PDK3: variants seen among roughly 807,000 people sequenced by gnomAD.
The protein encoded by PDK3 is pyruvate dehydrogenase kinase, isozyme 3.
A neutral mutation model predicts 32.0 loss-of-function variants in PDK3; 12 were observed. The observed-to-expected ratio is 0.37, with a 90% CI of 0.24 to 0.61. The LOEUF is 0.61. Ranked by LOEUF, PDK3 falls within the 20% of genes least tolerant of loss-of-function variation. The pLI, the probability that PDK3 is intolerant of heterozygous loss-of-function variation, is 0.65. For missense variants in PDK3, 188 were observed against 316.9 expected, an observed-to-expected ratio of 0.59 and a Z score of 3.09; for synonymous variants, 122 against 116.3, an observed-to-expected ratio of 1.05 and a Z score of -0.31.
chrX:24,491,781 C>T (rs1602108400), intron 1 of PDK3, among the ~76,000 whole-genome samples: 1 of 110,839 alleles, frequency 9.0e-6, no homozygotes, highest in East Asian at 2.8e-4. Context: ...ATGGCGAAAC[C>T]CCCTCTTTAC....
chrX:24,526,775 C>T (rs1015502471), intron 7 of PDK3, among the ~76,000 whole-genome samples: 2 of 111,648 alleles, frequency 1.8e-5, no homozygotes, highest in African/African-American at 6.5e-5. Context: ...TGTAGATGAG[C>T]TGGACCAAAA....
chrX:24,507,231 A>G (rs1471505259), intron 5 of PDK3, among the ~76,000 whole-genome samples: 2 of 111,697 alleles, frequency 1.8e-5, no homozygotes, highest in African/African-American at 3.3e-5. Flanking sequence ...AGATTTTCCT[A>G]TTATAGACAT....
chrX:24,550,202 T>C (rs1281896249), exon 12 of PDK3: 1 of 112,208 alleles, frequency 8.9e-6, no homozygotes, highest in East Asian at 2.8e-4. Flanking sequence ...CCCTCAGTTC[T>C]ATGCTGTTGT....
intron 5 of PDK3, among the ~76,000 whole-genome samples, chrX:24,511,537 A>G (rs1316222053): frequency 2.2e-5 from 2 of 92,470 alleles, no homozygotes; most frequent in Non-Finnish European, 4.0e-5. Flanking sequence ...GTGTGCACAC[A>G]TGTGTGTTTT....
intron 1 of PDK3, among the ~76,000 whole-genome samples, chrX:24,473,029 T>A (rs1454043704): frequency 9.1e-6 from 1 of 109,838 alleles, no homozygotes; most frequent in Non-Finnish European, 1.9e-5. Context: ...TCAGATAATA[T>A]ATGTTAATTC....
At chrX:24,484,051 G>A (rs1018650870) in intron 1 of PDK3, among the ~76,000 whole-genome samples, 3 of 102,810 alleles carry the variant, frequency 2.9e-5, no homozygotes, top group African/African-American at 1.1e-4. Context: ...TCACTGTGTC[G>A]CCCAGGCTGG....
chrX:24,543,809 A>G (rs1922941133), exon 12 of PDK3, among the ~76,000 whole-genome samples: 1 of 111,243 alleles, frequency 9.0e-6, no homozygotes, highest in African/African-American at 3.3e-5. Flanking sequence ...TTGATTGCGT[A>G]TTTCTTCCAG....
At chrX:24,541,258 A>G (rs1350138875) in exon 12 of PDK3, among the ~76,000 whole-genome samples, 1 of 109,245 alleles carries the variant, frequency 9.2e-6, no homozygotes, top group Non-Finnish European at 1.9e-5. Context: ...CTAGGCCTCA[A>G]TTTCCAACGA....
At chrX:24,490,392 G>A (rs1212829461) in intron 1 of PDK3, among the ~76,000 whole-genome samples, 2 of 105,856 alleles carry the variant, frequency 1.9e-5, no homozygotes, top group East Asian at 5.8e-4. Flanking sequence ...CCCTGCTCAT[G>A]AAGCTTGTGA....
intron 7 of PDK3, 37 bp downstream of exon 7, chrX:24,526,311 A>C (rs774461722): frequency 1.1e-6 from 1 of 904,323 alleles, no homozygotes; most frequent in Admixed American, 2.3e-5. Flanking sequence ...AGAAGTCTTC[A>C]TTTTAAATTA....
At chrX:24,483,480 C>T (rs1024354155) in intron 1 of PDK3, among the ~76,000 whole-genome samples, 3 of 111,938 alleles carry the variant, frequency 2.7e-5, no homozygotes, top group Non-Finnish European at 3.8e-5. Flanking sequence ...TCTGGCCTGA[C>T]ACACCATATT....
downstream of PDK3, among the ~76,000 whole-genome samples, chrX:24,537,236 C>A (rs1242270310): frequency 9.5e-6 from 1 of 105,651 alleles, no homozygotes; most frequent in African/African-American, 3.5e-5. Context: ...CATGTCTCAG[C>A]CTCCCAAGTA....
At position 24,503,048 on chromosome X, in the gene PDK3, C is replaced by CAG. The variant is rs61678506; in HGVS notation, c.321-279_321-278insAG. On this transcript the variant is annotated intron_variant, in intron 3 of 10. Transcript: ENST00000379162. ...ATATGCAATCACTTATCCAAAAAGT[C>CAG]TGGATTCCTAAAAGGGTATTTGAGC... 0.51 allele frequency among the ~76,000 whole-genome samples: 56,447 copies of CAG among 110,010 alleles called. 11,029 individuals are homozygous for CAG. The highest frequency in any genetic ancestry group is 0.72 in the African/African-American group (21,854 of 30,185).
exon 12 of PDK3, among the ~76,000 whole-genome samples, chrX:24,543,180 A>G (rs780833146): frequency 2.7e-5 from 3 of 112,335 alleles, no homozygotes; most frequent in Admixed American, 1.9e-4. Flanking sequence ...AGATATGGTC[A>G]TTTCAAGCCT....
At chrX:24,511,035 A>G (rs1479287869) in intron 5 of PDK3, among the ~76,000 whole-genome samples, 2 of 112,392 alleles carry the variant, frequency 1.8e-5, no homozygotes, top group African/African-American at 6.5e-5. Context: ...ACAGAGCGCC[A>G]AAGGTTGAAA....
Position 24,489,684 on chromosome X carries a change from C to CAA in PDK3, c.107-5041_107-5040dup, listed in dbSNP as rs11309543. Among the ~76,000 whole-genome samples, 184 of 46,686 alleles carry CAA rather than the reference C, an allele frequency of 3.9e-3. 1 individual carries two copies. The highest frequency in any genetic ancestry group is 0.014 in the African/African-American group (163 of 11,397). 40.5% of individuals were successfully genotyped at this position (46,686 alleles called of 115,157 possible). On this transcript the variant is annotated intron_variant, in intron 1 of 10. Coordinates refer to ENST00000379162, the MANE Select transcript of PDK3 (RefSeq NM_005391.5). ...TGGGCAACAGAGTGGGACTCTGTCT[C>CAA]AAAAAAAAAAAAAAAAAAGAAAAAA...
chrX:24,490,993 A>G (rs1201555870), intron 1 of PDK3, among the ~76,000 whole-genome samples: 1 of 110,449 alleles, frequency 9.1e-6, no homozygotes, highest in Non-Finnish European at 1.9e-5. Flanking sequence ...CTATTCCAGA[A>G]CTTCCTTTTT....
chrX:24,543,222 C>T (rs943076905), exon 12 of PDK3, among the ~76,000 whole-genome samples: 1 of 111,822 alleles, frequency 8.9e-6, no homozygotes, highest in Non-Finnish European at 1.9e-5. Flanking sequence ...AGTCTGTTCT[C>T]TTCTTGAAAA....
At chrX:24,486,528 C>T (rs1453440622) in intron 1 of PDK3, among the ~76,000 whole-genome samples, 2 of 111,539 alleles carry the variant, frequency 1.8e-5, no homozygotes, top group Non-Finnish European at 3.8e-5. Context: ...TGAAAGAAGT[C>T]GTGTAATATC....
Sources: gnomAD v4.1 joint callset for allele counts (sites outside exome capture counted in the v4.1 genomes callset) on GRCh38, gnomAD v4.1.1 for gene constraint, MANE v1.5 for transcripts, NCBI Gene and HGNC (gene_info 2026-07-23, HGNC 2026-07-21) for gene names.